The following MAP4K4 variants were observed in gnomAD, a reference collection of about 807,000 sequenced individuals.
MAP4K4 encodes mitogen-activated protein kinase kinase kinase kinase 4.
MAP4K4 carries 38 observed loss-of-function variants against 189.6 expected under a neutral mutation model. The ratio of observed to expected loss-of-function variants is 0.20; its 90% CI spans 0.15 to 0.26. MAP4K4 has a LOEUF of 0.26. Ranked by LOEUF, MAP4K4 falls within the 10% of genes least tolerant of loss-of-function variation. MAP4K4 has a pLI of 1.00. For synonymous variants in MAP4K4, 610 were observed against 624.3 expected (o/e 0.98, Z 0.34); for missense variants, 1,054 against 1,726.9 (o/e 0.61, Z 6.91).
chr2:101,729,359 T>C (rs1266125853), intron 2 of MAP4K4, among the ~76,000 whole-genome samples: 1 of 152,190 alleles, frequency 6.6e-6, no homozygotes, highest in African/African-American at 2.4e-5. Context: ...AAGACTAGCA[T>C]CTTTTAATTG....
At chr2:101,703,459 A>G (rs1207872546) in intron 2 of MAP4K4, among the ~76,000 whole-genome samples, 1 of 151,768 alleles carries the variant, frequency 6.6e-6, no homozygotes, top group Non-Finnish European at 1.5e-5. Flanking sequence ...CTCTACTAAA[A>G]ATATAAAAAG....
chr2:101,872,375 G>C (rs142322595), intron 24 of MAP4K4, among the ~76,000 whole-genome samples: 6 of 152,150 alleles, frequency 3.9e-5, no homozygotes, highest in Non-Finnish European at 8.8e-5. Context: ...TGGGAAATCT[G>C]TGTGCTCCTT....
chr2:101,737,423 T>TGA (rs2060644571), intron 2 of MAP4K4, among the ~76,000 whole-genome samples: 5 of 112,364 alleles, frequency 4.4e-5, no homozygotes, highest in Non-Finnish European at 8.9e-5. Context: ...TTACCTATTG[T>TGA]GAGATATATA....
At position 101,842,765 on chromosome 2, in the gene MAP4K4, G is replaced by A. The variant is rs2096959198; in HGVS notation, c.1022+84G>A. ...TGCCAGGACTGCAGAAGACTCCTGT[G>A]TGGTACAAAGAATCTTAAATTACTT... On this transcript the variant is annotated intron_variant, in intron 11 of 32. Transcript: ENST00000324219. 5.2e-6 allele frequency: 5 copies of A among 953,894 alleles called. No homozygotes were observed. The Admixed American group carries it at 7.2e-5, about 14-fold the overall frequency. 59.1% of individuals were successfully genotyped at this position (953,894 alleles called of 1,614,324 possible).
chr2:101,745,837 C>T (rs541572760), intron 2 of MAP4K4, among the ~76,000 whole-genome samples: 1 of 151,026 alleles, frequency 6.6e-6, no homozygotes, highest in South Asian at 2.1e-4. Flanking sequence ...AGTTTGTTGC[C>T]TACTTTTTTT....
intron 2 of MAP4K4, among the ~76,000 whole-genome samples, chr2:101,731,087 T>A (rs1387365377): frequency 6.6e-6 from 1 of 152,000 alleles, no homozygotes; most frequent in Admixed American, 6.6e-5. Context: ...TTATATTGAT[T>A]TGAATGTGAC....
chr2:101,874,283 C>T, intron 26 of MAP4K4, 31 bp downstream of exon 26: 1 of 1,575,974 alleles, frequency 6.3e-7, no homozygotes, highest in East Asian at 2.3e-5. Context: ...CCAACACTTT[C>T]ATTTTTGTTC....
chr2:101,868,725 C>T (rs1356653366), intron 21 of MAP4K4, among the ~76,000 whole-genome samples: 2 of 152,208 alleles, frequency 1.3e-5, no homozygotes, highest in Non-Finnish European at 2.9e-5. Flanking sequence ...CGCAGTGTCT[C>T]TTCATGTGTC....
chr2:101,749,469 G>C (rs1415327407), intron 2 of MAP4K4, among the ~76,000 whole-genome samples: 1 of 150,730 alleles, frequency 6.6e-6, no homozygotes, highest in Non-Finnish European at 1.5e-5. Context: ...GTAGAAAGCT[G>C]AAACTGGATC....
intron 2 of MAP4K4, among the ~76,000 whole-genome samples, chr2:101,705,038 T>G (rs2041542089): frequency 6.6e-6 from 1 of 152,132 alleles, no homozygotes; most frequent in Non-Finnish European, 1.5e-5. Context: ...AGTGATTCAT[T>G]GGGAGGTAGT....
At chr2:101,746,987 C>T (rs1313702364) in intron 2 of MAP4K4, among the ~76,000 whole-genome samples, 3 of 152,160 alleles carry the variant, frequency 2.0e-5, no homozygotes, top group Admixed American at 6.5e-5. Flanking sequence ...CCTACTCTTT[C>T]GCTCAGATGC....
In MAP4K4 at chr2:101,878,875, TA is replaced by T. The variant is rs1283450672; in HGVS notation, c.3385+1731del. Among the ~76,000 whole-genome samples the T allele has an allele frequency of 4.6e-5, 7 of 152,338 alleles. No individual in the cohort carries two copies. In the South Asian group the frequency reaches 1.4e-3, roughly 32 times the overall value. On this transcript the variant is annotated intron_variant, in intron 27 of 32. Transcript: ENST00000324219. ...TACTTCTAATATATGCTTTGGTTGTTAAGTAAAGGAGTTTCTTGAAATGCAA... is the reference window on the plus strand; with the variant it reads ...TACTTCTAATATATGCTTTGGTTGTTAGTAAAGGAGTTTCTTGAAATGCAA...
chr2:101,875,210 G>A (rs2150103606), intron 26 of MAP4K4, among the ~76,000 whole-genome samples: 1 of 152,158 alleles, frequency 6.6e-6, no homozygotes, highest in Middle Eastern at 3.4e-3. Context: ...ATATATGCAG[G>A]GAAACCTAAG....
At chr2:101,741,206 T>C (rs915935403) in intron 2 of MAP4K4, among the ~76,000 whole-genome samples, 6 of 148,980 alleles carry the variant, frequency 4.0e-5, no homozygotes, top group South Asian at 2.2e-4. Context: ...CTCGCTCTGT[T>C]GCCCAGGCTG....
chr2:101,829,786 C>T lies in MAP4K4; in HGVS notation c.508+192C>T, dbSNP rs2149401807. On this transcript the variant is annotated intron_variant, in intron 6 of 32. Transcript: ENST00000324219. Reference sequence around the variant, plus strand: ...CTCCCCACTTCCATGTTTGTGCCCCCCTGCCCCCTGGTTCTCTATACAGCA... The same window carrying T: ...CTCCCCACTTCCATGTTTGTGCCCCTCTGCCCCCTGGTTCTCTATACAGCA... 3 of 522,578 alleles carry T rather than the reference C, an allele frequency of 5.7e-6. No homozygotes were observed. The East Asian group carries it at 9.8e-5, about 17-fold the overall frequency. 32.4% of individuals were successfully genotyped at this position (522,578 alleles called of 1,614,324 possible). A position where few individuals can be genotyped will look rare whatever the true frequency, so the allele number is the denominator to read the frequency against.
chr2:101,872,538 G>GT (rs1303753905), intron 24 of MAP4K4, among the ~76,000 whole-genome samples: 1 of 152,122 alleles, frequency 6.6e-6, no homozygotes, highest in Non-Finnish European at 1.5e-5. Context: ...AGAAGATTTG[G>GT]TTTAAGTGTC....
At chr2:101,729,689 A>G (rs1448641117) in intron 2 of MAP4K4, among the ~76,000 whole-genome samples, 1 of 152,166 alleles carries the variant, frequency 6.6e-6, no homozygotes, top group Non-Finnish European at 1.5e-5. Context: ...GGGCCTCACT[A>G]TGTCTACACC....
At chr2:101,771,660 C>T (rs547863734) in intron 2 of MAP4K4, among the ~76,000 whole-genome samples, 5 of 152,122 alleles carry the variant, frequency 3.3e-5, no homozygotes, top group Admixed American at 6.5e-5. Flanking sequence ...ACGGAGGCCG[C>T]GCAATGTGCA....
At chr2:101,839,674 T>C (rs1411634462) in intron 9 of MAP4K4, 145 bp from the exon 10 acceptor site, 1 of 642,560 alleles carries the variant, frequency 1.6e-6, no homozygotes, top group Non-Finnish European at 2.6e-6. Context: ...TTCCTATTTA[T>C]GTTTCATACA....
Sources: gnomAD v4.1 joint callset for allele counts (sites outside exome capture counted in the v4.1 genomes callset) on GRCh38, gnomAD v4.1.1 for gene constraint, MANE v1.5 for transcripts, NCBI Gene and HGNC (gene_info 2026-07-23, HGNC 2026-07-21) for gene names.